Variants in PXDNL observed in about 807,000 individuals in gnomAD.
The protein encoded by PXDNL is peroxidasin like.
Under a neutral mutation model 150.8 loss-of-function variants are expected in PXDNL, and 145 were observed. The observed-to-expected ratio is 0.96, with a 90% CI of 0.84 to 1.10. PXDNL has a LOEUF of 1.10. Ranked by LOEUF, PXDNL falls within the 50% of genes least tolerant of loss-of-function variation. The pLI, the probability that PXDNL is intolerant of heterozygous loss-of-function variation, is 0.00. For missense variants in PXDNL, 2,087 were observed against 1,873.9 expected (o/e 1.11, Z -2.10); for synonymous variants, 757 against 725.7 (o/e 1.04, Z -0.69).
chr8:51,658,869 G>GACCAC (rs1486134082), intron 1 of PXDNL, among the ~76,000 whole-genome samples: 6 of 152,156 alleles, frequency 3.9e-5, no homozygotes, highest in African/African-American at 1.4e-4. Flanking sequence ...AGTGCAGACA[G>GACCAC]ACCACACCGT....
At chr8:51,494,798 C>A (rs1052459878) in intron 5 of PXDNL, among the ~76,000 whole-genome samples, 14 of 151,938 alleles carry the variant, frequency 9.2e-5, no homozygotes, top group African/African-American at 2.9e-4. Flanking sequence ...TAGAGACCTA[C>A]AAAGAGACTT....
At chr8:51,690,739 C>A (rs1178881659) in intron 1 of PXDNL, among the ~76,000 whole-genome samples, 3 of 151,130 alleles carry the variant, frequency 2.0e-5, no homozygotes, top group African/African-American at 7.3e-5. Flanking sequence ...CCTGAGGAAT[C>A]GCCACACTGA....
At chr8:51,760,893 C>T (rs1345865984) in intron 1 of PXDNL, among the ~76,000 whole-genome samples, 1 of 94,208 alleles carries the variant, frequency 1.1e-5, no homozygotes, top group Non-Finnish European at 2.0e-5. Context: ...GAGTCTCGCT[C>T]TGTCGCCCAG....
intron 17 of PXDNL, among the ~76,000 whole-genome samples, chr8:51,389,468 C>A (rs1807825463): frequency 6.6e-6 from 1 of 152,144 alleles, no homozygotes; most frequent in Non-Finnish European, 1.5e-5. Context: ...TTCATCCTTG[C>A]AGAGATGAGG....
rs571735998 is a variant in PXDNL at position 51,804,665 on chromosome 8, T to G, written c.164+4516A>C. Among the ~76,000 whole-genome samples the G allele has an allele frequency of 2.0e-5, 3 of 152,246 alleles. No homozygotes were observed. In the South Asian group the frequency reaches 6.2e-4, roughly 32 times the overall value. ...GCGGCTACTCCCCACAAAGCTACTA[T>G]TCCATAACACATCCCTTCACTTCAT... On this transcript the variant is annotated intron_variant, in intron 1 of 22. Transcript: ENST00000356297.
At chr8:51,714,616 T>C (rs1816571401) in intron 1 of PXDNL, among the ~76,000 whole-genome samples, 1 of 152,084 alleles carries the variant, frequency 6.6e-6, no homozygotes, top group Non-Finnish European at 1.5e-5. Context: ...ATCAAGAAGG[T>C]ATAACATTTT....
chr8:51,736,860 T>C (rs938962755), intron 1 of PXDNL, among the ~76,000 whole-genome samples: 1 of 152,222 alleles, frequency 6.6e-6, no homozygotes, highest in Admixed American at 6.5e-5. Flanking sequence ...TTAAAACTAA[T>C]GAAAGAAAGC....
chr8:51,705,136 GA>G (rs1358077637), intron 1 of PXDNL, among the ~76,000 whole-genome samples: 3 of 152,166 alleles, frequency 2.0e-5, no homozygotes, highest in African/African-American at 7.2e-5. Context: ...TCCTTTGACT[GA>G]AGCTTTGATT....
chr8:51,404,368 T>C (rs564555897), intron 17 of PXDNL, among the ~76,000 whole-genome samples: 1,938 of 147,344 alleles, frequency 0.013, 103 homozygotes, highest in African/African-American at 0.05. Flanking sequence ...CTGATTGGTG[T>C]GTTTACAATC....
At chr8:51,423,092 A>G (rs1808999191) in intron 14 of PXDNL, among the ~76,000 whole-genome samples, 2 of 152,250 alleles carry the variant, frequency 1.3e-5, no homozygotes. Flanking sequence ...AGCTATGTCA[A>G]TTATGTTGGC....
At chr8:51,374,456 C>A (rs1586046510) in intron 18 of PXDNL, 141 bp downstream of exon 18, 1 of 711,526 alleles carries the variant, frequency 1.4e-6, no homozygotes, top group Non-Finnish European at 2.2e-6. Flanking sequence ...TACAAAAGTT[C>A]TGTCACCTAA....
At chr8:51,657,154 C>G (rs1171010124) in intron 1 of PXDNL, among the ~76,000 whole-genome samples, 1 of 152,108 alleles carries the variant, frequency 6.6e-6, no homozygotes, top group South Asian at 2.1e-4. Context: ...CTAACACACT[C>G]CTTATTTTAT....
At chr8:51,670,082 C>T (rs776075928) in intron 1 of PXDNL, among the ~76,000 whole-genome samples, 21 of 152,208 alleles carry the variant, frequency 1.4e-4, no homozygotes, top group East Asian at 1.2e-3. Flanking sequence ...ACTAAAAATA[C>T]AAAAATATAG....
intron 16 of PXDNL, among the ~76,000 whole-genome samples, chr8:51,409,851 A>C (rs962982424): frequency 6.6e-6 from 1 of 152,098 alleles, no homozygotes; most frequent in African/African-American, 2.4e-5. Context: ...CCAGCCAGAC[A>C]CTAAAAGATG....
chr8:51,544,161 A>G (rs1812295951), intron 4 of PXDNL, among the ~76,000 whole-genome samples: 1 of 152,208 alleles, frequency 6.6e-6, no homozygotes, highest in African/African-American at 2.4e-5. Flanking sequence ...AAAGTTCATT[A>G]TATCCTCTCA....
At chr8:51,636,239 T>C (rs1814600083) in intron 2 of PXDNL, among the ~76,000 whole-genome samples, 1 of 152,138 alleles carries the variant, frequency 6.6e-6, no homozygotes, top group Admixed American at 6.5e-5. Context: ...AAAATCCAGA[T>C]AACATTATAC....
intron 3 of PXDNL, among the ~76,000 whole-genome samples, chr8:51,576,043 G>T (rs963269189): frequency 6.6e-6 from 1 of 150,396 alleles, no homozygotes; most frequent in African/African-American, 2.5e-5. Context: ...GAACTGACGA[G>T]AGAAACAGAT....
intron 8 of PXDNL, among the ~76,000 whole-genome samples, chr8:51,463,229 A>G (rs1274040683): frequency 1.3e-5 from 2 of 152,228 alleles, no homozygotes; most frequent in Non-Finnish European, 1.5e-5. Flanking sequence ...TACACAGTCA[A>G]GCCTACCAAA....
chr8:51,798,274 G>A (rs1174848719), intron 1 of PXDNL, among the ~76,000 whole-genome samples: 2 of 152,134 alleles, frequency 1.3e-5, no homozygotes, highest in African/African-American at 2.4e-5. Context: ...ATAGGCACAG[G>A]CAAAGATTTC....
Sources: allele counts gnomAD v4.1 joint callset (sites outside exome capture counted in the v4.1 genomes callset), GRCh38; gene constraint gnomAD v4.1.1; transcripts MANE v1.5; gene names NCBI Gene and HGNC (gene_info 2026-07-23, HGNC 2026-07-21).